The following PRTG variants were observed in gnomAD, a reference collection of about 807,000 sequenced individuals.
PRTG encodes the protein protogenin, also known as immunoglobulin superfamily, DCC subclass, member 5.
Under a neutral mutation model 122.5 loss-of-function variants are expected in PRTG, and 67 were observed. That is an observed-to-expected ratio of 0.55 (90% CI 0.45 to 0.67). PRTG has a LOEUF of 0.67. PRTG is among the 30% of genes least tolerant of loss of function. The pLI is 0.00. For missense variants in PRTG, 1,435 were observed against 1,415.4 expected, an observed-to-expected ratio of 1.01 and a Z score of -0.22; for synonymous variants, 554 against 501.1, an observed-to-expected ratio of 1.11 and a Z score of -1.41.
chr15:55,700,251 T>C (rs2059654410), intron 2 of PRTG, among the ~76,000 whole-genome samples: 1 of 152,156 alleles, frequency 6.6e-6, no homozygotes, highest in African/African-American at 2.4e-5. Flanking sequence ...CAAACATCCA[T>C]ATTTGAAAAA....
Position 55,742,935 on chromosome 15 carries a change from G to A in PRTG, c.-4C>T. 1 of 1,514,296 alleles carries A rather than the reference G, an allele frequency of 6.6e-7. No homozygotes were observed. The highest frequency in any genetic ancestry group is 8.8e-7 in the Non-Finnish European group (1 of 1,130,854). 93.8% of individuals were successfully genotyped at this position (1,514,296 alleles called of 1,614,324 possible). A position where few individuals can be genotyped will look rare whatever the true frequency, so the allele number is the denominator to read the frequency against. The stretch of plus-strand genomic sequence containing the variant: ...GGGGTCGCAGAGGAGGCGCCATTCA[G>A]CGTAGCCGCGCGGGCATGCTCCCCG... On this transcript the variant is annotated 5_prime_UTR_variant, in exon 1 of 20. Coordinates refer to ENST00000389286, the MANE Select transcript of PRTG (RefSeq NM_173814.6).
chr15:55,716,227 T>C (rs999303), intron 2 of PRTG, among the ~76,000 whole-genome samples: 11,955 of 152,232 alleles, frequency 0.079, 497 homozygotes, highest in Non-Finnish European at 0.1. Context: ...TGAAACTCTG[T>C]CTCAAAAACA....
Position 55,616,014 on chromosome 15 carries a change from T to C in PRTG, c.*3998A>G, listed in dbSNP as rs530812611. 6.6e-6 allele frequency: 1 copy of C among 152,198 alleles called. No homozygotes were observed. The highest frequency in any genetic ancestry group is 1.5e-5 in the Non-Finnish European group (1 of 67,972). The allele number at this position is 152,198 out of a possible 1,614,324, so 9.4% of individuals were successfully genotyped here. A position where few individuals can be genotyped will look rare whatever the true frequency, so the allele number is the denominator to read the frequency against. Reference sequence around the variant, plus strand: ...CAAACCTCTGTCATTGTTCCCAATGTTGGCATTGCTCGTTTCAAGCACAGA... The same window carrying C: ...CAAACCTCTGTCATTGTTCCCAATGCTGGCATTGCTCGTTTCAAGCACAGA... On this transcript the variant is annotated 3_prime_UTR_variant, in exon 20 of 20. Transcript: ENST00000389286.
At chr15:55,707,447 C>T (rs1433132066) in intron 2 of PRTG, among the ~76,000 whole-genome samples, 1 of 152,174 alleles carries the variant, frequency 6.6e-6, no homozygotes, top group African/African-American at 2.4e-5. Context: ...CTTTGAATTG[C>T]TTCAGTAGGA....
chr15:55,722,773 A>G (rs1008799826), intron 2 of PRTG, among the ~76,000 whole-genome samples: 1 of 12,568 alleles, frequency 8.0e-5, no homozygotes, highest in Non-Finnish European at 3.0e-4. Context: ...AAACACCACC[A>G]CTAACAAAAT....
chr15:55,699,961 G>A (rs542982389), intron 2 of PRTG, among the ~76,000 whole-genome samples: 8 of 152,216 alleles, frequency 5.3e-5, no homozygotes, highest in African/African-American at 1.9e-4. Context: ...TTATGAAAAG[G>A]CAAAGGACCT....
At chr15:55,657,394 A>C (rs2059386229) in intron 11 of PRTG, among the ~76,000 whole-genome samples, 1 of 152,180 alleles carries the variant, frequency 6.6e-6, no homozygotes, top group Non-Finnish European at 1.5e-5. Flanking sequence ...ATTCAGATGG[A>C]GAAAGGTGAA....
chr15:55,632,280 C>A (rs950799447), intron 15 of PRTG, among the ~76,000 whole-genome samples: 1 of 152,150 alleles, frequency 6.6e-6, no homozygotes, highest in Non-Finnish European at 1.5e-5. Flanking sequence ...GCATATCTGA[C>A]TGGCTTTTTT....
intron 15 of PRTG, among the ~76,000 whole-genome samples, chr15:55,635,183 C>T (rs1429001791): frequency 6.6e-6 from 1 of 151,980 alleles, no homozygotes; most frequent in Non-Finnish European, 1.5e-5. Flanking sequence ...CCTCTGCCTC[C>T]CTGGTTCAAG....
In PRTG at chr15:55,614,254, A is replaced by AG. The variant is rs1345692885; in HGVS notation, c.*5757_*5758insC. The AG allele has an allele frequency of 1.3e-4, 20 of 152,246 alleles. No individual in the cohort carries two copies. Among genetic ancestry groups the AG allele is most frequent in the Admixed American group, 1.0e-3 (16 of 15,272 alleles). 9.4% of individuals were successfully genotyped at this position (152,246 alleles called of 1,614,324 possible). On this transcript the variant is annotated 3_prime_UTR_variant, in exon 20 of 20. Transcript: ENST00000389286. Reference sequence around the variant, plus strand: ...AAAGGCCGATTGGAACCAAAAAAGAATGACAAGAAAGATCAAATTTCCTAG... The same window carrying AG: ...AAAGGCCGATTGGAACCAAAAAAGAAGTGACAAGAAAGATCAAATTTCCTAG...
chr15:55,670,148 G>GTA (rs1388010176), intron 11 of PRTG, among the ~76,000 whole-genome samples: 5 of 152,056 alleles, frequency 3.3e-5, no homozygotes, highest in Admixed American at 2.6e-4. Flanking sequence ...GCGTGTGTGT[G>GTA]TATATATATG....
intron 4 of PRTG, among the ~76,000 whole-genome samples, chr15:55,681,038 T>C (rs2059535168): frequency 1.3e-5 from 2 of 152,190 alleles, no homozygotes; most frequent in Non-Finnish European, 2.9e-5. Flanking sequence ...GTTAGCATAA[T>C]GTTTTCAAGG....
rs1393811453 is a variant in PRTG, at chr15:55,619,056, G to C, written c.*956C>G. On this transcript the variant is annotated 3_prime_UTR_variant, in exon 20 of 20. Coordinates refer to ENST00000389286, the MANE Select transcript of PRTG (RefSeq NM_173814.6). Reference sequence around the variant, plus strand: ...AAATCCATATTCTGCATGGGGTTTTGCAACTAATACTGGCAAAGTTGAGGA... The same window carrying C: ...AAATCCATATTCTGCATGGGGTTTTCCAACTAATACTGGCAAAGTTGAGGA... 2 of 152,098 alleles carry C rather than the reference G, an allele frequency of 1.3e-5. No individual in the cohort carries two copies. Among genetic ancestry groups the C allele is most frequent in the Non-Finnish European group, 2.9e-5 (2 of 68,038 alleles). 9.4% of individuals were successfully genotyped at this position (152,098 alleles called of 1,614,324 possible). A position where few individuals can be genotyped will look rare whatever the true frequency, so the allele number is the denominator to read the frequency against.
chr15:55,646,392 A>G lies in PRTG; in HGVS notation c.2042-5184T>C, dbSNP rs531061974. 1.6e-4 allele frequency among the ~76,000 whole-genome samples: 24 copies of G among 150,814 alleles called. No individual in the cohort carries two copies. The South Asian group carries it at 1.9e-3, about 12-fold the overall frequency. ...GGATGGAGTGCAGTGGCACGATCTCAGCTCACTGCAAGCTCCGCCTACAGG... is the reference window on the plus strand; with the variant it reads ...GGATGGAGTGCAGTGGCACGATCTCGGCTCACTGCAAGCTCCGCCTACAGG... On this transcript the variant is annotated intron_variant, in intron 11 of 19. Transcript: ENST00000389286.
At position 55,638,677 on chromosome 15, in the gene PRTG, C is replaced by A. The variant is rs2059271838; in HGVS notation, c.2325-1G>T. On this transcript the variant is annotated splice_acceptor_variant, in intron 13 of 19. Transcript: ENST00000389286. LOFTEE classifies it high-confidence loss of function. Reference sequence around the variant, plus strand: ...TTGAACCAACATGTGAGTTTCTGATCTATAATAACGAGTGATGAAGTTGTT... The same window carrying A: ...TTGAACCAACATGTGAGTTTCTGATATATAATAACGAGTGATGAAGTTGTT... The A allele has an allele frequency of 6.2e-7, 1 of 1,611,016 alleles. No individual in the cohort carries two copies. The highest frequency in any genetic ancestry group is 8.5e-7 in the Non-Finnish European group (1 of 1,178,836).
intron 2 of PRTG, among the ~76,000 whole-genome samples, chr15:55,709,891 C>G (rs570197321): frequency 1.8e-4 from 27 of 152,196 alleles, no homozygotes; most frequent in Middle Eastern, 6.8e-3. Flanking sequence ...AAGAAACTTT[C>G]GGGAGAGATG....
chr15:55,636,481 A>G (rs958336372), intron 15 of PRTG, among the ~76,000 whole-genome samples: 3 of 151,804 alleles, frequency 2.0e-5, no homozygotes, highest in Admixed American at 1.3e-4. Flanking sequence ...CAAGCTATCA[A>G]GTTCTATCAA....
chr15:55,678,415 T>A (rs1327060374), intron 7 of PRTG, among the ~76,000 whole-genome samples: 1 of 152,158 alleles, frequency 6.6e-6, no homozygotes, highest in East Asian at 1.9e-4. Flanking sequence ...TTTAAACTTT[T>A]TGTAATTTTT....
intron 15 of PRTG, among the ~76,000 whole-genome samples, chr15:55,633,787 T>C (rs1352948616): frequency 6.6e-6 from 1 of 152,232 alleles, no homozygotes; most frequent in African/African-American, 2.4e-5. Context: ...ATTTATTTGT[T>C]CTCTATGAAT....
Sources: allele counts gnomAD v4.1 joint callset (sites outside exome capture counted in the v4.1 genomes callset), GRCh38; gene constraint gnomAD v4.1.1; transcripts MANE v1.5; gene names NCBI Gene and HGNC (gene_info 2026-07-23, HGNC 2026-07-21).